The following GABRG3 variants were observed in gnomAD, a reference collection of about 807,000 sequenced individuals.
GABRG3 encodes gamma-aminobutyric acid type A receptor subunit gamma3.
GABRG3 carries 25 observed loss-of-function variants against 48.8 expected under a neutral mutation model. The observed-to-expected ratio is 0.51, with a 90% confidence interval of 0.37 to 0.72. The LOEUF is 0.72. Among genes scored for constraint, GABRG3 ranks in the 30% least tolerant of loss-of-function variants. The pLI, the probability that GABRG3 is intolerant of heterozygous loss-of-function variation, is 0.00. For synonymous variants in GABRG3, 227 were observed against 217.6 expected, an observed-to-expected ratio of 1.04 and a Z score of -0.38; for missense variants, 394 against 577.9, an observed-to-expected ratio of 0.68 and a Z score of 3.26.
At chr15:26,983,342 C>T (rs774594409) in intron 2 of GABRG3, among the ~76,000 whole-genome samples, 5 of 152,026 alleles carry the variant, frequency 3.3e-5, no homozygotes, top group Admixed American at 6.5e-5. Context: ...TGGGAGCCCC[C>T]GGGAGGCTCT....
chr15:27,473,433 G>A (rs1292097806), intron 5 of GABRG3, among the ~76,000 whole-genome samples: 1 of 152,216 alleles, frequency 6.6e-6, no homozygotes, highest in African/African-American at 2.4e-5. Flanking sequence ...TGTTGACTAA[G>A]ACTGAATGTG....
rs1888906604 is a variant in GABRG3, at chr15:27,445,143, G to A, written c.575-35507G>A. Among the ~76,000 whole-genome samples, 3 of 152,166 alleles carry A rather than the reference G, an allele frequency of 2.0e-5. No individual in the cohort carries two copies. In the South Asian group the frequency reaches 6.2e-4, roughly 31 times the overall value. Reference sequence around the variant, plus strand: ...CCGCCTCGGCTTCCCAAAGTGCTGGGATTACAGGTGTGAGCCACCATGCCC... The same window carrying A: ...CCGCCTCGGCTTCCCAAAGTGCTGGAATTACAGGTGTGAGCCACCATGCCC... On this transcript the variant is annotated intron_variant, in intron 5 of 9. Coordinates refer to ENST00000615808, the MANE Select transcript of GABRG3 (RefSeq NM_033223.5).
chr15:27,416,495 T>C (rs777254616), intron 5 of GABRG3, among the ~76,000 whole-genome samples: 15 of 152,196 alleles, frequency 9.9e-5, no homozygotes, highest in Non-Finnish European at 1.9e-4. Flanking sequence ...TTCAAAATGG[T>C]TCCTTTTCTT....
chr15:27,291,504 C>T (rs1891792569), intron 3 of GABRG3, among the ~76,000 whole-genome samples: 1 of 152,174 alleles, frequency 6.6e-6, no homozygotes, highest in Admixed American at 6.5e-5. Flanking sequence ...AACTGAGTCC[C>T]ACCAAAATCC....
rs1000547747 is a variant in GABRG3, at chr15:26,977,761, T to C, written c.202+611T>C. On this transcript the variant is annotated intron_variant, in intron 2 of 9. Coordinates refer to ENST00000615808, the MANE Select transcript of GABRG3 (RefSeq NM_033223.5). ...TTTGATTGTTTCCTGTTTTTGTCTA[T>C]TGCAAATAAAATGACTGAGCACATT... Among the ~76,000 whole-genome samples the C allele has an allele frequency of 4.6e-5, 7 of 152,328 alleles. No homozygotes were observed. The East Asian group carries it at 1.2e-3, about 25-fold the overall frequency.
At chr15:27,478,407 T>C (rs1890012431) in intron 5 of GABRG3, among the ~76,000 whole-genome samples, 1 of 152,124 alleles carries the variant, frequency 6.6e-6, no homozygotes, top group Admixed American at 6.5e-5. Flanking sequence ...GAGAATATGC[T>C]CAGTATTATC....
At chr15:27,340,934 T>C (rs1405945391) in intron 5 of GABRG3, 2 of 484,968 alleles carry the variant, frequency 4.1e-6, no homozygotes, top group Admixed American at 2.4e-5. Context: ...AGCTGTTTTT[T>C]AAGAACAGAG....
intron 3 of GABRG3, among the ~76,000 whole-genome samples, chr15:27,182,926 C>T (rs1358627163): frequency 6.6e-6 from 1 of 152,100 alleles, no homozygotes; most frequent in African/African-American, 2.4e-5. Flanking sequence ...CTGAGGATGT[C>T]GTCTGAGGGT....
At chr15:27,337,933 G>T (rs187079788) in intron 5 of GABRG3, among the ~76,000 whole-genome samples, 20 of 152,270 alleles carry the variant, frequency 1.3e-4, no homozygotes, top group African/African-American at 3.9e-4. Flanking sequence ...TTGGAACACA[G>T]GCTAGAGAAG....
intron 3 of GABRG3, among the ~76,000 whole-genome samples, chr15:27,161,829 C>G (rs1432453211): frequency 6.6e-6 from 1 of 151,882 alleles, no homozygotes; most frequent in African/African-American, 2.4e-5. Context: ...TCTTAAAGAC[C>G]AGGAAGGTGA....
At chr15:27,125,290 GA>G (rs1384297995) in intron 3 of GABRG3, among the ~76,000 whole-genome samples, 1 of 151,886 alleles carries the variant, frequency 6.6e-6, no homozygotes, top group Non-Finnish European at 1.5e-5. Context: ...GGGAGCTAAA[GA>G]AAAAACTTGA....
intron 5 of GABRG3, among the ~76,000 whole-genome samples, chr15:27,388,792 A>G (rs1168652337): frequency 6.6e-6 from 1 of 151,986 alleles, no homozygotes; most frequent in Non-Finnish European, 1.5e-5. Flanking sequence ...CAAAATAGAA[A>G]ACCTTCTGGA....
chr15:27,007,843 C>T (rs1334058282), intron 2 of GABRG3, among the ~76,000 whole-genome samples: 1 of 152,052 alleles, frequency 6.6e-6, no homozygotes, highest in Admixed American at 6.5e-5. Flanking sequence ...CAAATATTTT[C>T]ATCCATTCTG....
At chr15:27,404,638 G>A (rs892430528) in intron 5 of GABRG3, among the ~76,000 whole-genome samples, 2 of 152,100 alleles carry the variant, frequency 1.3e-5, no homozygotes, top group South Asian at 2.1e-4. Context: ...AGCAGTGGGC[G>A]TTCTCTACTT....
At chr15:27,144,873 G>C (rs1242567738) in intron 3 of GABRG3, among the ~76,000 whole-genome samples, 2 of 152,142 alleles carry the variant, frequency 1.3e-5, no homozygotes, top group Non-Finnish European at 2.9e-5. Flanking sequence ...ATTACTTCTA[G>C]GCATTTAAGA....
intron 6 of GABRG3, among the ~76,000 whole-genome samples, chr15:27,515,092 G>GT (rs979317344): frequency 3.0e-4 from 38 of 125,534 alleles, no homozygotes; most frequent in East Asian, 1.7e-3. Context: ...TAATTTTTTT[G>GT]TTTTTTTTGA....
At chr15:27,085,367 T>C (rs1897058813) in intron 3 of GABRG3, among the ~76,000 whole-genome samples, 1 of 152,338 alleles carries the variant, frequency 6.6e-6, no homozygotes, top group East Asian at 1.9e-4. Context: ...CAGTGTGCTA[T>C]TGATGGTGTC....
chr15:27,413,390 A>C (rs1887854801), intron 5 of GABRG3, among the ~76,000 whole-genome samples: 2 of 147,786 alleles, frequency 1.4e-5, no homozygotes, highest in Non-Finnish European at 3.0e-5. Context: ...CACTAGAATT[A>C]GAGATATTAG....
At chr15:27,014,527 T>C (rs773936209) in intron 2 of GABRG3, among the ~76,000 whole-genome samples, 33 of 152,156 alleles carry the variant, frequency 2.2e-4, no homozygotes, top group Non-Finnish European at 4.3e-4. Flanking sequence ...CTAAGTTCCC[T>C]TGTGATTTCT....
Sources: allele counts gnomAD v4.1 joint callset (sites outside exome capture counted in the v4.1 genomes callset), GRCh38; gene constraint gnomAD v4.1.1; transcripts MANE v1.5; gene names NCBI Gene and HGNC (gene_info 2026-07-23, HGNC 2026-07-21).